Variants in ABLIM1 observed in about 807,000 individuals in gnomAD.
ABLIM1 encodes actin-binding LIM protein 1.
In ABLIM1, 40 loss-of-function variants were observed where a neutral mutation model predicts 107.0. The ratio of observed to expected loss-of-function variants is 0.37; its 90% CI spans 0.29 to 0.49. ABLIM1 has a LOEUF of 0.49. Among genes scored for constraint, ABLIM1 ranks in the 20% least tolerant of loss-of-function variants. The probability of loss-of-function intolerance (pLI) is 0.97; values close to 1 mark genes in which losing one functional copy is unlikely to be tolerated. For synonymous variants in ABLIM1, 357 were observed against 357.3 expected, an observed-to-expected ratio of 1.00 and a Z score of 0.01; for missense variants, 857 against 1,008.5, an observed-to-expected ratio of 0.85 and a Z score of 2.04.
chr10:114,649,179 T>A (rs1182542107), intron 1 of ABLIM1, among the ~76,000 whole-genome samples: 1 of 151,784 alleles, frequency 6.6e-6, no homozygotes, highest in East Asian at 1.9e-4. Context: ...GGGCAGGTCA[T>A]TTGAGGTCAG....
chr10:114,634,564 G>A (rs953453809), intron 1 of ABLIM1, among the ~76,000 whole-genome samples: 1 of 152,174 alleles, frequency 6.6e-6, no homozygotes, highest in Admixed American at 6.5e-5. Flanking sequence ...ACAGAATTTG[G>A]AAAGGCTCTC....
intron 1 of ABLIM1, among the ~76,000 whole-genome samples, chr10:114,691,948 A>C (rs1379853932): frequency 6.6e-6 from 1 of 152,198 alleles, no homozygotes; most frequent in Non-Finnish European, 1.5e-5. Flanking sequence ...TAGAAGACAC[A>C]TACCTGCCCA....
intron 1 of ABLIM1, among the ~76,000 whole-genome samples, chr10:114,742,398 G>A (rs1055257260): frequency 6.6e-6 from 1 of 152,152 alleles, no homozygotes; most frequent in African/African-American, 2.4e-5. Context: ...CAAAAAAAGA[G>A]GGAAGATGCA....
intron 8 of ABLIM1, among the ~76,000 whole-genome samples, chr10:114,482,488 C>G (rs924152066): frequency 6.6e-6 from 1 of 152,090 alleles, no homozygotes; most frequent in Non-Finnish European, 1.5e-5. Context: ...TGCTGTGTAG[C>G]CAAAAGTACT....
chr10:114,595,513 T>C (rs1334315944), intron 2 of ABLIM1, among the ~76,000 whole-genome samples: 2 of 152,148 alleles, frequency 1.3e-5, no homozygotes, highest in Non-Finnish European at 2.9e-5. Context: ...ACAGATCACA[T>C]TAAAACAACT....
At chr10:114,772,140 C>T (rs575636408), upstream of ABLIM1, among the ~76,000 whole-genome samples, 44 of 152,116 alleles carry the variant, frequency 2.9e-4, no homozygotes, top group Non-Finnish European at 4.0e-4. Context: ...ATGTAATAGG[C>T]AATGAGGAAG....
chr10:114,506,516 C>G (rs1208076615), intron 6 of ABLIM1, among the ~76,000 whole-genome samples: 1 of 152,142 alleles, frequency 6.6e-6, no homozygotes, highest in Non-Finnish European at 1.5e-5. Flanking sequence ...TCAACTTCAC[C>G]AACATCTGTT....
chr10:114,613,569 T>A (rs956893840), intron 1 of ABLIM1: 1 of 802,408 alleles, frequency 1.2e-6, no homozygotes, highest in Non-Finnish European at 1.8e-6. Flanking sequence ...TTCAAGTGCT[T>A]ATAAATTTCA....
In ABLIM1 at chr10:114,658,110, C is replaced by T. The variant is rs113493613; in HGVS notation, c.91G>A (p.Gly31Ser). 4.3e-6 allele frequency: 7 copies of T among 1,614,074 alleles called. No homozygotes were observed. Among genetic ancestry groups the T allele is most frequent in the Admixed American group, 1.7e-5 (1 of 60,006 alleles). ...ACAATCAGTCTCTTTCTGTTCGAGC[C>T]CCTGGCACTGGTTCTCTCAGATGAG... ...VTSSERTSARGSNRKRLIVED... is the reference protein window; with the variant it reads ...VTSSERTSARSSNRKRLIVED... Residue 31 changes from glycine to serine, a missense_variant, in exon 1 of 23, where the codon GGC (glycine) becomes AGC (serine). By Grantham distance (56) the Gly-to-Ser change is moderately conservative. Coordinates refer to ENST00000533213, the MANE Select transcript of ABLIM1 (RefSeq NM_002313.7).
chr10:114,574,913 G>A lies in ABLIM1; in HGVS notation c.563+503C>T, dbSNP rs1242856853. Among the ~76,000 whole-genome samples, 3 of 152,164 alleles carry A rather than the reference G, an allele frequency of 2.0e-5. No individual in the cohort carries two copies. The East Asian group carries it at 5.8e-4, about 29-fold the overall frequency. ...GTCGCAATGACTCAACTCTGTTGTTGCAGCGTGGAAGCAGCTATAGGCCAC... is the reference window on the plus strand; with the variant it reads ...GTCGCAATGACTCAACTCTGTTGTTACAGCGTGGAAGCAGCTATAGGCCAC... On this transcript the variant is annotated intron_variant, in intron 3 of 22. Coordinates refer to ENST00000533213, the MANE Select transcript of ABLIM1 (RefSeq NM_002313.7).
chr10:114,470,652 T>C (rs1310689583), intron 10 of ABLIM1, among the ~76,000 whole-genome samples: 1 of 152,134 alleles, frequency 6.6e-6, no homozygotes, highest in Non-Finnish European at 1.5e-5. Context: ...GTATGCTGAT[T>C]ACGAGAGTAG....
chr10:114,576,277 T>C (rs958037602), intron 2 of ABLIM1, among the ~76,000 whole-genome samples: 3 of 152,204 alleles, frequency 2.0e-5, no homozygotes, highest in Non-Finnish European at 4.4e-5. Flanking sequence ...AAACAGGCAG[T>C]GGGAGCTTGG....
At chr10:114,776,203 T>C in the ABLIM1 span, 1 of 152,150 alleles carries the variant, frequency 6.6e-6, no homozygotes, top group East Asian at 1.9e-4. Flanking sequence ...TTTTTTTTTT[T>C]TCAGCAGTTT....
intron 14 of ABLIM1, among the ~76,000 whole-genome samples, chr10:114,448,572 G>C (rs897520703): frequency 6.6e-6 from 1 of 150,490 alleles, no homozygotes; most frequent in African/African-American, 2.5e-5. Context: ...CTTTGGGCAA[G>C]AAGCCACAAA....
At chr10:114,624,566 A>G (rs986884359) in intron 1 of ABLIM1, among the ~76,000 whole-genome samples, 1 of 152,030 alleles carries the variant, frequency 6.6e-6, no homozygotes, top group African/African-American at 2.4e-5. Flanking sequence ...ATGAGGCCCA[A>G]CCTCCATTTC....
chr10:114,472,981 C>A lies in ABLIM1; in HGVS notation c.1271G>T (p.Gly424Val). ...YDDKQERQSL[G>V]ESPRTLSPTP... ...CAACCAGTAGGAATGTATTACCTCTCCAAGGCTCTGTCTCTCCTGTTTGTC... is the reference window on the plus strand; with the variant it reads ...CAACCAGTAGGAATGTATTACCTCTACAAGGCTCTGTCTCTCCTGTTTGTC... The change falls in exon 10 of 23, where the codon GGA becomes GTA. Residue 424 changes from glycine (G) to valine (V), a missense_variant. Gly to Val is a moderately radical substitution (Grantham distance 109). Transcript: ENST00000533213. 6.3e-7 allele frequency: 1 copy of A among 1,596,860 alleles called. No homozygotes were observed. Among genetic ancestry groups the A allele is most frequent in the Non-Finnish European group, 8.5e-7 (1 of 1,171,006 alleles).
intron 6 of ABLIM1, among the ~76,000 whole-genome samples, chr10:114,519,855 G>C (rs1435898586): frequency 6.6e-6 from 1 of 152,192 alleles, no homozygotes; most frequent in Admixed American, 6.5e-5. Flanking sequence ...TCCCTGCTTA[G>C]CTCACCACCA....
chr10:114,637,458 C>T (rs772504794), intron 1 of ABLIM1, among the ~76,000 whole-genome samples: 2 of 152,180 alleles, frequency 1.3e-5, no homozygotes, highest in African/African-American at 4.8e-5. Context: ...CCTTAAATGA[C>T]AATTCTCAGG....
intron 6 of ABLIM1, among the ~76,000 whole-genome samples, chr10:114,518,124 T>C (rs562042219): frequency 1.2e-4 from 19 of 152,306 alleles, no homozygotes; most frequent in Admixed American, 3.9e-4. Context: ...AAAACGGTCC[T>C]ATTTGTATAA....
Sources: allele counts gnomAD v4.1 joint callset (sites outside exome capture counted in the v4.1 genomes callset), GRCh38; gene constraint gnomAD v4.1.1; transcripts MANE v1.5; gene names NCBI Gene and HGNC (gene_info 2026-07-23, HGNC 2026-07-21).